The following MFSD6 variants were observed in gnomAD, a reference collection of about 807,000 sequenced individuals.
The protein encoded by MFSD6 is major facilitator superfamily domain containing 6.
In MFSD6, 26 loss-of-function variants were observed where a neutral mutation model predicts 56.3. The observed-to-expected ratio is 0.46, with a 90% CI of 0.34 to 0.64. The LOEUF (loss-of-function observed/expected upper bound fraction) is 0.64, where lower values mean the gene tolerates loss of function less well. Among genes scored for constraint, MFSD6 ranks in the 30% least tolerant of loss-of-function variants. The pLI is 0.01. For synonymous variants in MFSD6, 331 were observed against 366.9 expected (o/e 0.90, Z 1.12); for missense variants, 750 against 986.2 (o/e 0.76, Z 3.21).
chr2:190,431,669 C>T lies in MFSD6; in HGVS notation c.-53-4308C>T, dbSNP rs1167733867. 2.0e-5 allele frequency among the ~76,000 whole-genome samples: 3 copies of T among 152,036 alleles called. No individual in the cohort carries two copies. Among genetic ancestry groups the T allele is most frequent in the Non-Finnish European group, 2.9e-5 (2 of 68,000 alleles). On this transcript the variant is annotated intron_variant, in intron 2 of 7. Transcript: ENST00000392328. This position sits in a 1 kb window ranked among gnomAD's most constrained non-coding sequence, Gnocchi z 4.4. ...AGATGGCAGCAGTACAGTCCAGCTT[C>T]GGCTCAGCATCAGGGAGACCGTGGA...
Position 190,494,823 on chromosome 2 carries a change from C to G in MFSD6, c.1892-2616C>G, listed in dbSNP as rs182817650. ...ATCCCTTTATGATTAAAACCCTTAG[C>G]AAAATCAGCATACAAGAGACATAAC... On this transcript the variant is annotated intron_variant, in intron 6 of 7. Coordinates refer to ENST00000392328, the MANE Select transcript of MFSD6 (RefSeq NM_017694.4). The surrounding 1 kb of genome is among the most constrained non-coding windows in gnomAD (Gnocchi z 5.7). 2.8e-4 allele frequency among the ~76,000 whole-genome samples: 43 copies of G among 152,126 alleles called. No homozygotes were observed. Among genetic ancestry groups the G allele is most frequent in the African/African-American group, 9.6e-4 (40 of 41,530 alleles).
intron 2 of MFSD6, among the ~76,000 whole-genome samples, chr2:190,427,938 A>G (rs560332738): frequency 6.6e-6 from 1 of 152,162 alleles, no homozygotes; most frequent in African/African-American, 2.4e-5. Context: ...CACCACGTTG[A>G]TCAGACTGGT....
chr2:190,460,807 G>T (rs1452067837), intron 3 of MFSD6, among the ~76,000 whole-genome samples: 2 of 152,220 alleles, frequency 1.3e-5, no homozygotes. Flanking sequence ...ATCCCTGCGA[G>T]TGGGAGGACT....
chr2:190,407,623 T>G (rs1013885808), upstream of MFSD6, among the ~76,000 whole-genome samples: 2 of 152,196 alleles, frequency 1.3e-5, no homozygotes, highest in African/African-American at 4.8e-5. The surrounding 1 kb of genome is among the most constrained non-coding windows in gnomAD (Gnocchi z 5.4). Context: ...CCCAACTCTC[T>G]GCGTGTTTAA....
intron 3 of MFSD6, among the ~76,000 whole-genome samples, chr2:190,445,464 A>AAAAAC (rs1354015875): frequency 2.0e-5 from 3 of 148,884 alleles, no homozygotes; most frequent in African/African-American, 7.4e-5. Flanking sequence ...TCACAAAAAA[A>AAAAAC]AAAACCCCGA....
rs904942155 is a variant in MFSD6 at position 190,469,703 on chromosome 2, A to C, written c.1533-55A>C. 8.0e-5 allele frequency: 85 copies of C among 1,058,968 alleles called. No homozygotes were observed. Among genetic ancestry groups the C allele is most frequent in the Non-Finnish European group, 1.0e-4 (82 of 787,744 alleles). The allele number at this position is 1,058,968 out of a possible 1,614,324, so 65.6% of individuals were successfully genotyped here. A position where few individuals can be genotyped will look rare whatever the true frequency, so the allele number is the denominator to read the frequency against. ...ATATTAGATTGTATATTAGGGACTC[A>C]GTTTATTTTCCTTTGCTTTTTTTTA... On this transcript the variant is annotated intron_variant, in intron 3 of 7. Coordinates refer to ENST00000392328, the MANE Select transcript of MFSD6 (RefSeq NM_017694.4). This position sits in a 1 kb window ranked among gnomAD's most constrained non-coding sequence, Gnocchi z 5.3.
At chr2:190,432,869 TACTC>T (rs1392035820) in intron 2 of MFSD6, among the ~76,000 whole-genome samples, 1 of 145,974 alleles carries the variant, frequency 6.9e-6, no homozygotes, top group Admixed American at 6.8e-5. Flanking sequence ...TTCACTCACT[TACTC>T]ACACATACAC....
At chr2:190,460,780 G>A (rs765192938) in intron 3 of MFSD6, among the ~76,000 whole-genome samples, 90 of 152,308 alleles carry the variant, frequency 5.9e-4, no homozygotes, top group Non-Finnish European at 1.0e-3. Context: ...GATGGTGGCC[G>A]AGTGAGTCCA....
rs1689661839 is a variant in MFSD6 at position 190,496,148 on chromosome 2, A to G, written c.1892-1291A>G. On this transcript the variant is annotated intron_variant, in intron 6 of 7. Coordinates refer to ENST00000392328, the MANE Select transcript of MFSD6 (RefSeq NM_017694.4). This position sits in a 1 kb window ranked among gnomAD's most constrained non-coding sequence, Gnocchi z 4.7. ...GAACTCAAACAAATTAGCAAGAAAA[A>G]AAAAAACACCAAAGAGTGGACTAAG... Among the ~76,000 whole-genome samples the G allele has an allele frequency of 6.6e-6, 1 of 152,136 alleles. No individual in the cohort carries two copies. Among genetic ancestry groups the G allele is most frequent in the South Asian group, 2.1e-4 (1 of 4,826 alleles).
At chr2:190,421,819 A>G (rs928289648) in intron 2 of MFSD6, among the ~76,000 whole-genome samples, 2 of 152,330 alleles carry the variant, frequency 1.3e-5, no homozygotes, top group South Asian at 4.1e-4. Context: ...CCAAAATAGT[A>G]GGATTATCAC....
Position 190,437,690 on chromosome 2 carries a change from G to A in MFSD6, c.1532+129G>A, listed in dbSNP as rs1010875489. 15 of 1,122,960 alleles carry A rather than the reference G, an allele frequency of 1.3e-5. No homozygotes were observed. The Admixed American group carries it at 2.8e-4, about 21-fold the overall frequency. The allele number at this position is 1,122,960 out of a possible 1,614,324, so 69.6% of individuals were successfully genotyped here. A position where few individuals can be genotyped will look rare whatever the true frequency, so the allele number is the denominator to read the frequency against. On this transcript the variant is annotated intron_variant, in intron 3 of 7. Coordinates refer to ENST00000392328, the MANE Select transcript of MFSD6 (RefSeq NM_017694.4). The surrounding 1 kb of genome is among the most constrained non-coding windows in gnomAD (Gnocchi z 5.9). ...AGGATAGGGTTGGAGTGGAAATGGG[G>A]ATTTCTGTTTCTTTTCCTCCTTAAA...
intron 3 of MFSD6, among the ~76,000 whole-genome samples, chr2:190,449,533 G>T (rs1022217596): frequency 4.6e-5 from 7 of 151,876 alleles, no homozygotes; most frequent in African/African-American, 1.5e-4. Context: ...AGTAATTCAT[G>T]CTGCTATAAA....
Position 190,454,511 on chromosome 2 carries a change from A to G in MFSD6, c.1533-15247A>G, listed in dbSNP as rs1368567592. On this transcript the variant is annotated intron_variant, in intron 3 of 7. Transcript: ENST00000392328. This position sits in a 1 kb window ranked among gnomAD's most constrained non-coding sequence, Gnocchi z 4.6. ...TACATGCTAGAGAGCTTGCTTGTGTACGACTCTTTTTCTCTTTCTTTACCC... is the reference window on the plus strand; with the variant it reads ...TACATGCTAGAGAGCTTGCTTGTGTGCGACTCTTTTTCTCTTTCTTTACCC... The G allele has an allele frequency of 6.6e-6, 1 of 152,108 alleles. No individual in the cohort carries two copies. The highest frequency in any genetic ancestry group is 1.5e-5 in the Non-Finnish European group (1 of 68,082). The allele number at this position is 152,108 out of a possible 1,614,324, so 9.4% of individuals were successfully genotyped here.
At chr2:190,428,801 T>G (rs749637661) in intron 2 of MFSD6, among the ~76,000 whole-genome samples, 6 of 151,760 alleles carry the variant, frequency 4.0e-5, no homozygotes, top group Non-Finnish European at 8.8e-5. Context: ...GCCCCCCGAG[T>G]AGCTGGGATT....
In MFSD6 at chr2:190,436,192, G is replaced by C. The variant is rs747618300; in HGVS notation, c.163G>C (p.Asp55His). The C allele has an allele frequency of 6.2e-7, 1 of 1,614,174 alleles. No individual in the cohort carries two copies. Among genetic ancestry groups the C allele is most frequent in the South Asian group, 1.1e-5 (1 of 91,086 alleles). Residue 55 changes from aspartate to histidine, a missense_variant, in exon 3 of 8, where the codon GAC becomes CAC. Asp to His is a moderately conservative substitution (Grantham distance 81). Transcript: ENST00000392328. This position sits in a 1 kb window ranked among gnomAD's most constrained non-coding sequence, Gnocchi z 5.3. ...ETSAIPEEEI[D>H]WIEKHCVKIN... ...ATCTGCTATTCCTGAGGAGGAAATA[G>C]ACTGGATAGAGAAACATTGTGTTAA...
chr2:190,431,306 G>A lies in MFSD6; in HGVS notation c.-53-4671G>A, dbSNP rs892672937. On this transcript the variant is annotated intron_variant, in intron 2 of 7. Coordinates refer to ENST00000392328, the MANE Select transcript of MFSD6 (RefSeq NM_017694.4). This position sits in a 1 kb window ranked among gnomAD's most constrained non-coding sequence, Gnocchi z 4.4. ...CTCCTCACTTCCCAGACGGGGTGGC[G>A]GCCGGGCAGAGGCTGCAATCTCGGC... Among the ~76,000 whole-genome samples, 3 of 152,072 alleles carry A rather than the reference G, an allele frequency of 2.0e-5. No homozygotes were observed. The highest frequency in any genetic ancestry group is 4.4e-5 in the Non-Finnish European group (3 of 67,996).
intron 4 of MFSD6, among the ~76,000 whole-genome samples, chr2:190,482,552 C>T (rs1397730963): frequency 6.6e-6 from 1 of 152,092 alleles, no homozygotes; most frequent in East Asian, 1.9e-4. Context: ...GGAAGAAAAA[C>T]AAAACAATCC....
At chr2:190,420,156 G>C (rs1008610125) in intron 2 of MFSD6, among the ~76,000 whole-genome samples, 1 of 116,906 alleles carries the variant, frequency 8.6e-6, no homozygotes, top group Admixed American at 9.1e-5. Context: ...AGTTTGCTCA[G>C]GCTGCTATAA....
chr2:190,438,421 C>T lies in MFSD6; in HGVS notation c.1532+860C>T, dbSNP rs541140975. ...GTCCCAGCTACTCGGGAGGCTGACGCACAAGAATCACTTGAACCCAGGAGG... is the reference window on the plus strand; with the variant it reads ...GTCCCAGCTACTCGGGAGGCTGACGTACAAGAATCACTTGAACCCAGGAGG... On this transcript the variant is annotated intron_variant, in intron 3 of 7. Coordinates refer to ENST00000392328, the MANE Select transcript of MFSD6 (RefSeq NM_017694.4). The surrounding 1 kb of genome is among the most constrained non-coding windows in gnomAD (Gnocchi z 5.2). Among the ~76,000 whole-genome samples the T allele has an allele frequency of 1.3e-5, 2 of 152,264 alleles. No individual in the cohort carries two copies. Among genetic ancestry groups the T allele is most frequent in the African/African-American group, 4.8e-5 (2 of 41,530 alleles).
Sources: allele counts gnomAD v4.1 joint callset (sites outside exome capture counted in the v4.1 genomes callset), GRCh38; gene constraint gnomAD v4.1.1; non-coding constraint Gnocchi (gnomAD v3.1); transcripts MANE v1.5; gene names NCBI Gene and HGNC (gene_info 2026-07-23, HGNC 2026-07-21).